Variants in UNC13B observed in about 807,000 individuals in gnomAD.
UNC13B encodes the protein protein unc-13 homolog B.
Under a neutral mutation model 211.0 loss-of-function variants are expected in UNC13B, and 144 were observed. The ratio of observed to expected loss-of-function variants is 0.68; its 90% CI spans 0.60 to 0.78. The LOEUF is 0.78. Ranked by LOEUF, UNC13B falls within the 30% of genes least tolerant of loss-of-function variation. The pLI is 0.00. For synonymous variants in UNC13B, 709 were observed against 725.8 expected, an observed-to-expected ratio of 0.98 and a Z score of 0.37; for missense variants, 1,777 against 2,002.0, an observed-to-expected ratio of 0.89 and a Z score of 2.14.
Position 35,404,057 on chromosome 9 carries a change from C to T in UNC13B, c.*24C>T, listed in dbSNP as rs1836528780. 1.3e-6 allele frequency: 2 copies of T among 1,599,466 alleles called. No homozygotes were observed. Among genetic ancestry groups the T allele is most frequent in the East Asian group, 4.5e-5 (2 of 44,666 alleles). On this transcript the variant is annotated 3_prime_UTR_variant, in exon 40 of 40. Transcript: ENST00000635942. Reference sequence around the variant, plus strand: ...GAACACCTTCGACTCCTGTGCCAATCAGGCAGCAGCAATTTCACAAATCAG... The same window carrying T: ...GAACACCTTCGACTCCTGTGCCAATTAGGCAGCAGCAATTTCACAAATCAG...
At chr9:35,283,027 T>G (rs1280482040) in intron 7 of UNC13B, among the ~76,000 whole-genome samples, 1 of 152,218 alleles carries the variant, frequency 6.6e-6, no homozygotes, top group East Asian at 1.9e-4. Context: ...TTTCCCCAAT[T>G]TGTAGACATT....
intron 5 of UNC13B, among the ~76,000 whole-genome samples, chr9:35,240,100 C>T (rs537896124): frequency 6.6e-6 from 1 of 152,204 alleles, no homozygotes; most frequent in South Asian, 2.1e-4. Context: ...AATTTATGTT[C>T]AGAGATTGCA....
chr9:35,193,472 C>T (rs1822767852), intron 1 of UNC13B, among the ~76,000 whole-genome samples: 1 of 151,820 alleles, frequency 6.6e-6, no homozygotes, highest in African/African-American at 2.4e-5. Flanking sequence ...CATGGTGAAA[C>T]CCCGTCTCTA....
Position 35,193,662 on chromosome 9 carries a change from A to G in UNC13B, c.22+31357A>G, listed in dbSNP as rs201386064. ...GACAGAGCAAGACTCCGTCTCAAAA[A>G]AAAAAAAAAAAAAAAAAGATTGTAG... On this transcript the variant is annotated intron_variant, in intron 1 of 39. Coordinates refer to ENST00000635942, the MANE Select transcript of UNC13B (RefSeq NM_001371189.2). Among the ~76,000 whole-genome samples, 362 of 151,610 alleles carry G rather than the reference A, an allele frequency of 2.4e-3. 4 individuals carry two copies. The highest frequency in any genetic ancestry group is 0.02 in the Admixed American group (303 of 15,208).
chr9:35,398,359 C>A, intron 31 of UNC13B, 71 bp downstream of exon 31: 3 of 1,520,172 alleles, frequency 2.0e-6, no homozygotes, highest in South Asian at 1.2e-5. Flanking sequence ...AGAACTCCAC[C>A]CTCTCTTAAC....
rs564319473 is a variant in UNC13B, at chr9:35,306,540, C to G, written c.7136C>G (p.Ala2379Gly). The G allele has an allele frequency of 2.5e-6, 1 of 399,012 alleles. No homozygotes were observed. The highest frequency in any genetic ancestry group is 1.3e-4 in the South Asian group (1 of 7,850). 24.7% of individuals were successfully genotyped at this position (399,012 alleles called of 1,614,324 possible). A position where few individuals can be genotyped will look rare whatever the true frequency, so the allele number is the denominator to read the frequency against. Reference sequence around the variant, plus strand: ...TCACTGTCCAACTCTTTTTCACATGCTAAACAGTTAATTGAAAAATTCAAT... The same window carrying G: ...TCACTGTCCAACTCTTTTTCACATGGTAAACAGTTAATTGAAAAATTCAAT... ...SDSLSNSFSH[A>G]KQLIEKFNDL... The change falls in exon 9 of 40, where the codon GCT (alanine) becomes GGT (glycine). Residue 2379 changes from alanine (A) to glycine (G), a missense_variant. Coordinates refer to ENST00000635942, the MANE Select transcript of UNC13B (RefSeq NM_001371189.2).
chr9:35,215,072 A>G (rs1448065176), intron 1 of UNC13B, among the ~76,000 whole-genome samples: 1 of 152,232 alleles, frequency 6.6e-6, no homozygotes, highest in African/African-American at 2.4e-5. Context: ...TTGAGATACA[A>G]GAAAGACTAT....
At chr9:35,336,058 A>G (rs747477645) in intron 11 of UNC13B, among the ~76,000 whole-genome samples, 1 of 151,986 alleles carries the variant, frequency 6.6e-6, no homozygotes, top group African/African-American at 2.4e-5. Context: ...TTAAAACTTG[A>G]TAATTCCCAG....
intron 24 of UNC13B, among the ~76,000 whole-genome samples, chr9:35,389,270 C>T (rs904388313): frequency 1.3e-5 from 2 of 152,128 alleles, no homozygotes; most frequent in Non-Finnish European, 2.9e-5. Context: ...TCTAGTTAGG[C>T]AGATAGCTTC....
intron 2 of UNC13B, among the ~76,000 whole-genome samples, chr9:35,230,509 ACTTGTG>A (rs1825138368): frequency 6.6e-6 from 1 of 151,484 alleles, no homozygotes; most frequent in South Asian, 2.1e-4. Context: ...TTTTTATGTA[ACTTGTG>A]CTTTAGGCCA....
At chr9:35,236,307 T>G (rs1587434328) in intron 3 of UNC13B, among the ~76,000 whole-genome samples, 162 bp from the exon 4 acceptor site, 1 of 152,166 alleles carries the variant, frequency 6.6e-6, no homozygotes. Flanking sequence ...CTATTATAGG[T>G]TTCTTGGAGC....
At chr9:35,334,435 G>C (rs1375706838) in intron 11 of UNC13B, among the ~76,000 whole-genome samples, 1 of 152,200 alleles carries the variant, frequency 6.6e-6, no homozygotes, top group East Asian at 1.9e-4. Context: ...GGCTTATCAA[G>C]GTAAAAGGCC....
intron 7 of UNC13B, among the ~76,000 whole-genome samples, chr9:35,273,297 C>T (rs555491005): frequency 3.4e-4 from 52 of 152,202 alleles, no homozygotes; most frequent in African/African-American, 1.2e-3. Flanking sequence ...TTTCTTTTAC[C>T]AGCATATCCA....
At chr9:35,219,100 T>G (rs1257840708) in intron 1 of UNC13B, among the ~76,000 whole-genome samples, 2 of 152,202 alleles carry the variant, frequency 1.3e-5, no homozygotes, top group East Asian at 3.9e-4. Context: ...AGAATCAAAA[T>G]CTGGAGGAGA....
At chr9:35,353,736 G>C in intron 11 of UNC13B, 1 of 1,232,062 alleles carries the variant, frequency 8.1e-7, no homozygotes, top group South Asian at 4.1e-5. Context: ...AGAGAGAAAA[G>C]ACTAAGGCAG....
chr9:35,248,372 C>T (rs1826233193), intron 6 of UNC13B, among the ~76,000 whole-genome samples: 1 of 152,066 alleles, frequency 6.6e-6, no homozygotes, highest in South Asian at 2.1e-4. Context: ...CTGCTCTGTT[C>T]TTAGTTATTT....
intron 1 of UNC13B, among the ~76,000 whole-genome samples, chr9:35,206,457 T>C (rs1823649856): frequency 6.6e-6 from 1 of 152,218 alleles, no homozygotes; most frequent in South Asian, 2.1e-4. Context: ...TTATGTCATC[T>C]AAAAGGTATC....
At chr9:35,370,988 C>T (rs1046013090) in intron 13 of UNC13B, among the ~76,000 whole-genome samples, 1 of 152,184 alleles carries the variant, frequency 6.6e-6, no homozygotes, top group African/African-American at 2.4e-5. Flanking sequence ...CTGGGTCATA[C>T]CTTCTGAGGC....
chr9:35,164,133 C>T (rs1410143113), intron 1 of UNC13B, among the ~76,000 whole-genome samples: 1 of 152,340 alleles, frequency 6.6e-6, no homozygotes, highest in Admixed American at 6.5e-5. Flanking sequence ...TCTCATGCCT[C>T]AGCCTCCCGA....
Sources: gnomAD v4.1 joint callset for allele counts (sites outside exome capture counted in the v4.1 genomes callset) on GRCh38, gnomAD v4.1.1 for gene constraint, MANE v1.5 for transcripts, NCBI Gene and HGNC (gene_info 2026-07-23, HGNC 2026-07-21) for gene names.